SLC24A4: variants seen among roughly 807,000 people sequenced by gnomAD.
SLC24A4 encodes the protein solute carrier family 24 member 4.
Under a neutral mutation model 79.0 loss-of-function variants are expected in SLC24A4, and 53 were observed. The observed-to-expected ratio is 0.67, with a 90% CI of 0.54 to 0.84. The LOEUF (loss-of-function observed/expected upper bound fraction) is 0.84, where lower values mean the gene tolerates loss of function less well. Among genes scored for constraint, SLC24A4 ranks in the 40% least tolerant of loss-of-function variants. The pLI is 0.00. For synonymous variants in SLC24A4, 323 were observed against 323.8 expected, an observed-to-expected ratio of 1.00 and a Z score of 0.03; for missense variants, 731 against 822.0, an observed-to-expected ratio of 0.89 and a Z score of 1.35.
chr14:92,371,686 T>C (rs1399117797), intron 2 of SLC24A4, among the ~76,000 whole-genome samples: 4 of 152,242 alleles, frequency 2.6e-5, no homozygotes, highest in Admixed American at 2.6e-4. Flanking sequence ...AAACTTCTAC[T>C]CTAACCTCAC....
intron 2 of SLC24A4, among the ~76,000 whole-genome samples, chr14:92,428,278 C>G (rs1038036277): frequency 3.9e-5 from 6 of 152,154 alleles, no homozygotes; most frequent in Non-Finnish European, 8.8e-5. Flanking sequence ...TGCCTCTTTT[C>G]TGCCCTCTGA....
chr14:92,500,717 T>C lies in SLC24A4; in HGVS notation c.*7089T>C, dbSNP rs935178908. On this transcript the variant is annotated 3_prime_UTR_variant, in exon 17 of 17. Transcript: ENST00000532405. ...TCTTGGGGAGCTCCACAGTGGGGGTTGCTGGTCTGTGAGGCTGAGTCTCCA... is the reference window on the plus strand; with the variant it reads ...TCTTGGGGAGCTCCACAGTGGGGGTCGCTGGTCTGTGAGGCTGAGTCTCCA... 2.0e-5 allele frequency: 3 copies of C among 152,350 alleles called. No homozygotes were observed. Among genetic ancestry groups the C allele is most frequent in the African/African-American group, 7.2e-5 (3 of 41,462 alleles). The allele number at this position is 152,350 out of a possible 1,614,324, so 9.4% of individuals were successfully genotyped here.
intron 2 of SLC24A4, among the ~76,000 whole-genome samples, chr14:92,421,194 A>G (rs1465660313): frequency 6.6e-6 from 1 of 152,200 alleles, no homozygotes; most frequent in East Asian, 1.9e-4. Flanking sequence ...GAGCTCTTAA[A>G]GTTTTTCAGT....
intron 12 of SLC24A4, chr14:92,457,576 G>A (rs10141849): frequency 0.26 from 39,956 of 152,542 alleles, 5,534 homozygotes; most frequent in African/African-American, 0.34. Context: ...GTAGGGGCTT[G>A]GTAGGTATCC....
intron 2 of SLC24A4, among the ~76,000 whole-genome samples, chr14:92,384,550 T>C (rs539325316): frequency 4.6e-5 from 7 of 152,158 alleles, no homozygotes; most frequent in African/African-American, 1.7e-4. Context: ...CAGGTAGATA[T>C]ACATTCGGTG....
intron 8 of SLC24A4, 88 bp from the exon 9 acceptor site, chr14:92,447,283 G>T (rs959398389): frequency 2.5e-6 from 3 of 1,206,678 alleles, no homozygotes; most frequent in Non-Finnish European, 1.2e-6. Flanking sequence ...AAGACATCCC[G>T]CCCTTCCCCA....
At chr14:92,480,065 C>A (rs1037326611) in intron 12 of SLC24A4, among the ~76,000 whole-genome samples, 1 of 151,052 alleles carries the variant, frequency 6.6e-6, no homozygotes, top group Admixed American at 6.6e-5. Flanking sequence ...CTCTTTTTTT[C>A]TTGGTCAGTC....
Position 92,323,862 on chromosome 14 carries a change from A to G in SLC24A4, c.32A>G (p.Lys11Arg), listed in dbSNP as rs774671782. The part of the protein sequence containing the change: MALRGTLRPL[K>R]VRRRREMLPQ... ...CTCCGCGGGACCCTCCGGCCGCTCA[A>G]AGTTCGCAGGAGGCGAGAGATGCTG... Residue 11 changes from lysine to arginine, a missense_variant, in exon 1 of 17, where the codon AAA (lysine) becomes AGA (arginine). Transcript: ENST00000532405. This position sits in a 1 kb window ranked among gnomAD's most constrained non-coding sequence, Gnocchi z 4.9. The G allele has an allele frequency of 6.3e-7, 1 of 1,599,090 alleles. No individual in the cohort carries two copies. Among genetic ancestry groups the G allele is most frequent in the Non-Finnish European group, 8.5e-7 (1 of 1,178,208 alleles).
intron 6 of SLC24A4, 34 bp downstream of exon 6, chr14:92,442,850 T>G (rs1892581020): frequency 6.5e-7 from 1 of 1,539,950 alleles, no homozygotes; most frequent in Non-Finnish European, 9.0e-7. Flanking sequence ...GGCAGATGCA[T>G]GCCCTGAAGC....
chr14:92,380,260 C>A (rs1384314297), intron 2 of SLC24A4, among the ~76,000 whole-genome samples: 1 of 152,190 alleles, frequency 6.6e-6, no homozygotes, highest in African/African-American at 2.4e-5. Context: ...AACAGAGAAC[C>A]ACGAGGGGAA....
chr14:92,434,128 C>T (rs1892037073), intron 3 of SLC24A4, 140 bp downstream of exon 3: 1 of 702,354 alleles, frequency 1.4e-6, no homozygotes, highest in South Asian at 1.6e-5. Context: ...GCATGTTTTA[C>T]CCACACAGAA....
intron 2 of SLC24A4, among the ~76,000 whole-genome samples, chr14:92,348,250 T>C (rs773235415): frequency 3.3e-5 from 5 of 152,212 alleles, no homozygotes; most frequent in East Asian, 1.9e-4. Context: ...ATTGTGTGGA[T>C]TGGATGAGCG....
intron 2 of SLC24A4, among the ~76,000 whole-genome samples, chr14:92,363,426 A>C (rs1887645682): frequency 6.6e-6 from 1 of 152,254 alleles, no homozygotes; most frequent in Non-Finnish European, 1.5e-5. Flanking sequence ...GGCAAGCCTC[A>C]GACCTTTAAG....
chr14:92,365,587 T>C (rs535245113), intron 2 of SLC24A4, among the ~76,000 whole-genome samples: 2 of 152,318 alleles, frequency 1.3e-5, no homozygotes, highest in East Asian at 1.9e-4. Flanking sequence ...TGGGGACCCA[T>C]GGTGGCTTAT....
At chr14:92,433,795 G>T in intron 2 of SLC24A4, 117 bp from the exon 3 acceptor site, 1 of 830,486 alleles carries the variant, frequency 1.2e-6, no homozygotes. Context: ...CCTTCTCTCT[G>T]ATCAGTCCAA....
chr14:92,365,405 A>G (rs1408778549), intron 2 of SLC24A4, among the ~76,000 whole-genome samples: 3 of 152,230 alleles, frequency 2.0e-5, no homozygotes, highest in Non-Finnish European at 2.9e-5. Context: ...TTTGGGTCAC[A>G]TACAGGCCTT....
intron 2 of SLC24A4, among the ~76,000 whole-genome samples, chr14:92,326,836 A>G (rs185949719): frequency 7.3e-4 from 109 of 149,856 alleles, no homozygotes; most frequent in African/African-American, 2.5e-3. Context: ...AGATCACATC[A>G]TCTTTTTGGA....
intron 12 of SLC24A4, 65 bp downstream of exon 12, chr14:92,456,673 G>A (rs917025494): frequency 6.5e-7 from 1 of 1,527,760 alleles, no homozygotes; most frequent in Non-Finnish European, 8.9e-7. Context: ...ACCAAGCCCA[G>A]GTCTTCAGGA....
chr14:92,324,302 G>A lies in SLC24A4; in HGVS notation c.130+342G>A, dbSNP rs377136761. On this transcript the variant is annotated intron_variant, in intron 1 of 16. Transcript: ENST00000532405. ...GTGCAGGCAGGATTCTCTTGGTCTGGGGTGGGCGAAACTGAGTGGCCCGCT... is the reference window on the plus strand; with the variant it reads ...GTGCAGGCAGGATTCTCTTGGTCTGAGGTGGGCGAAACTGAGTGGCCCGCT... Among the ~76,000 whole-genome samples, 46 of 152,368 alleles carry A rather than the reference G, an allele frequency of 3.0e-4. No homozygotes were observed. In the East Asian group the frequency reaches 7.7e-3, roughly 26 times the overall value.
Sources: allele counts gnomAD v4.1 joint callset (sites outside exome capture counted in the v4.1 genomes callset), GRCh38; gene constraint gnomAD v4.1.1; non-coding constraint Gnocchi (gnomAD v3.1); transcripts MANE v1.5; gene names NCBI Gene and HGNC (gene_info 2026-07-23, HGNC 2026-07-21).